The following ZC3H12B variants were observed in gnomAD, a reference collection of about 807,000 sequenced individuals.
ZC3H12B encodes the protein zinc finger CCCH-type containing 12B.
ZC3H12B carries 7 observed loss-of-function variants against 43.9 expected under a neutral mutation model. That is an observed-to-expected ratio of 0.16 (90% CI 0.09 to 0.30). ZC3H12B has a LOEUF of 0.30. ZC3H12B is among the 10% of genes least tolerant of loss of function. ZC3H12B has a pLI of 1.00. For synonymous variants in ZC3H12B, 222 were observed against 241.7 expected, an observed-to-expected ratio of 0.92 and a Z score of 0.76; for missense variants, 475 against 670.2, an observed-to-expected ratio of 0.71 and a Z score of 3.22.
upstream of ZC3H12B, among the ~76,000 whole-genome samples, chrX:65,484,584 G>C (rs769329424): frequency 8.9e-6 from 1 of 112,090 alleles, no homozygotes; most frequent in East Asian, 2.8e-4. Context: ...TGTCTAAGTA[G>C]GCATCCCTAA....
the ZC3H12B span, among the ~76,000 whole-genome samples, chrX:65,245,555 T>A: frequency 8.9e-6 from 1 of 112,144 alleles, no homozygotes; most frequent in African/African-American, 3.2e-5. Context: ...ATCAGTAAGT[T>A]TGGTTCATCA....
At chrX:65,303,467 G>C in the ZC3H12B span, among the ~76,000 whole-genome samples, 3 of 112,244 alleles carry the variant, frequency 2.7e-5, no homozygotes, top group East Asian at 8.3e-4. Flanking sequence ...AGTAGATGCA[G>C]AAAATGCATT....
chrX:65,420,699 A>G (rs1006984827), intron 3 of ZC3H12B, among the ~76,000 whole-genome samples: 1 of 111,974 alleles, frequency 8.9e-6, no homozygotes, highest in Non-Finnish European at 1.9e-5. Flanking sequence ...AATTAGATGA[A>G]ATCAGGAAAA....
chrX:65,281,718 G>C, the ZC3H12B span, among the ~76,000 whole-genome samples: 10 of 112,399 alleles, frequency 8.9e-5, no homozygotes, highest in African/African-American at 3.2e-4. Context: ...ATGTAAAACT[G>C]CTAGAAAGAA....
intron 3 of ZC3H12B, among the ~76,000 whole-genome samples, chrX:65,431,293 A>G (rs772613136): frequency 8.9e-6 from 1 of 112,489 alleles, no homozygotes; most frequent in Non-Finnish European, 1.9e-5. Context: ...TAAGGATGAA[A>G]TACTGCTCCT....
At chrX:65,062,153 C>A in the ZC3H12B span, among the ~76,000 whole-genome samples, 3 of 111,874 alleles carry the variant, frequency 2.7e-5, no homozygotes, top group Non-Finnish European at 5.7e-5. Flanking sequence ...CTGAGCAGTT[C>A]TTTAGTTTAA....
At chrX:65,107,215 C>G in the ZC3H12B span, among the ~76,000 whole-genome samples, 1 of 111,436 alleles carries the variant, frequency 9.0e-6, no homozygotes, top group African/African-American at 3.3e-5. Context: ...GCTACTAGAA[C>G]TTTTTAACTC....
At chrX:65,240,184 A>T in the ZC3H12B span, among the ~76,000 whole-genome samples, 1 of 111,694 alleles carries the variant, frequency 9.0e-6, no homozygotes, top group Non-Finnish European at 1.9e-5. Context: ...AGTTTGTTCC[A>T]TTCTTCCCAT....
the ZC3H12B span, among the ~76,000 whole-genome samples, chrX:65,053,279 C>T: frequency 9.1e-6 from 1 of 110,427 alleles, no homozygotes. Context: ...CGCAACAGGC[C>T]CCAGGGTGTG....
intron 2 of ZC3H12B, among the ~76,000 whole-genome samples, chrX:65,383,701 T>G (rs2066477981): frequency 9.1e-6 from 1 of 110,396 alleles, no homozygotes; most frequent in African/African-American, 3.3e-5. Flanking sequence ...CACAACCTAC[T>G]CATCTGACAA....
the ZC3H12B span, among the ~76,000 whole-genome samples, chrX:65,076,253 C>T: frequency 2.7e-5 from 3 of 109,424 alleles, no homozygotes; most frequent in African/African-American, 1.0e-4. Context: ...CTCCTGGGCT[C>T]AAGTGACCCT....
the ZC3H12B span, among the ~76,000 whole-genome samples, chrX:65,042,256 A>G: frequency 2.7e-5 from 3 of 112,087 alleles, no homozygotes; most frequent in Non-Finnish European, 5.6e-5. Flanking sequence ...TCCCTTTTCC[A>G]TTCCTATGAC....
the ZC3H12B span, among the ~76,000 whole-genome samples, chrX:65,040,669 G>A: frequency 9.0e-6 from 1 of 110,675 alleles, no homozygotes; most frequent in African/African-American, 3.3e-5. Context: ...TAGGGATCTT[G>A]ATTTAATAAA....
chrX:65,061,154 A>AT, the ZC3H12B span, among the ~76,000 whole-genome samples: 5 of 109,733 alleles, frequency 4.6e-5, no homozygotes, highest in Non-Finnish European at 9.5e-5. Context: ...TCTTATTTTT[A>AT]TTTTTTTATT....
chrX:65,160,908 A>C, the ZC3H12B span, among the ~76,000 whole-genome samples: 2 of 109,460 alleles, frequency 1.8e-5, no homozygotes, highest in Non-Finnish European at 3.8e-5. Context: ...AGTGCTATAA[A>C]TTTCCCTCTA....
the ZC3H12B span, among the ~76,000 whole-genome samples, chrX:65,319,565 C>G: frequency 9.0e-6 from 1 of 111,717 alleles, no homozygotes; most frequent in Non-Finnish European, 1.9e-5. Flanking sequence ...CTCCTTAACT[C>G]ATTCTATGAA....
At chrX:65,398,158 A>G (rs771418326) in intron 2 of ZC3H12B, among the ~76,000 whole-genome samples, 1 of 112,132 alleles carries the variant, frequency 8.9e-6, no homozygotes, top group Non-Finnish European at 1.9e-5. Context: ...CTGTTTGTGG[A>G]TAGGAAGAAT....
the ZC3H12B span, among the ~76,000 whole-genome samples, chrX:65,193,771 AG>A: frequency 8.9e-6 from 1 of 111,819 alleles, no homozygotes. Context: ...TTTACCTATA[AG>A]TTTTCCTCTT....
chrX:65,061,720 T>C, the ZC3H12B span, among the ~76,000 whole-genome samples: 2 of 112,572 alleles, frequency 1.8e-5, no homozygotes, highest in African/African-American at 6.5e-5. Context: ...TTTCTCATTC[T>C]AGATCCCTGA....
Sources: allele counts gnomAD v4.1 joint callset (sites outside exome capture counted in the v4.1 genomes callset), GRCh38; gene constraint gnomAD v4.1.1; transcripts MANE v1.5; gene names NCBI Gene and HGNC (gene_info 2026-07-23, HGNC 2026-07-21).